Variants in UQCRC1 observed in about 807,000 individuals in gnomAD.
UQCRC1 encodes the protein ubiquinol-cytochrome c reductase core protein 1.
A neutral mutation model predicts 58.0 loss-of-function variants in UQCRC1; 34 were observed. The ratio of observed to expected loss-of-function variants is 0.59; its 90% CI spans 0.45 to 0.78. UQCRC1 has a LOEUF of 0.78. UQCRC1 is among the 30% of genes least tolerant of loss of function. UQCRC1 has a pLI of 0.00. For missense variants in UQCRC1, 610 were observed against 646.0 expected (o/e 0.94, Z 0.60); for synonymous variants, 276 against 248.8 (o/e 1.11, Z -1.03).
At chr3:48,607,691 T>C (rs1274396619) in intron 2 of UQCRC1, among the ~76,000 whole-genome samples, 1 of 152,150 alleles carries the variant, frequency 6.6e-6, no homozygotes, top group East Asian at 1.9e-4. Context: ...CTCAAAGCCC[T>C]GGAATTACTG....
Position 48,605,869 on chromosome 3 carries a change from C to G in UQCRC1, c.211-13G>C, listed in dbSNP as rs759847580. 1.1e-5 allele frequency: 18 copies of G among 1,612,978 alleles called. No homozygotes were observed. In the East Asian group the frequency reaches 4.0e-4, roughly 36 times the overall value. Reference sequence around the variant, plus strand: ...TCCACACTCCCACCTGGTCAAGAAGCCACCAGAAAAGGTTACAAACAAACC... The same window carrying G: ...TCCACACTCCCACCTGGTCAAGAAGGCACCAGAAAAGGTTACAAACAAACC... On this transcript the variant is annotated splice_polypyrimidine_tract_variant and intron_variant, in intron 2 of 12. Coordinates refer to ENST00000203407, the MANE Select transcript of UQCRC1 (RefSeq NM_003365.3).
chr3:48,605,773 G>A lies in UQCRC1; in HGVS notation c.294C>T (p.Phe98=). ...AGACAGACTTTAAGAGCCTCACCTTGAAAGCCAGATGCTCCAAAAAGTAGC... is the reference window on the plus strand; with the variant it reads ...AGACAGACTTTAAGAGCCTCACCTTAAAAGCCAGATGCTCCAAAAAGTAGC... ...GAGYFLEHLA[F]KGTKNRPGSA... Residue 98 remains phenylalanine, a synonymous_variant, in exon 3 of 13, where the codon TTC becomes TTT. Transcript: ENST00000203407. 1 of 1,613,386 alleles carries A rather than the reference G, an allele frequency of 6.2e-7. No homozygotes were observed.
In UQCRC1 at chr3:48,599,407, G is replaced by A. The variant is rs1383207876; in HGVS notation, c.1379-215C>T. ...CCCCACATGGAGGTGCCCGTTACCT[G>A]ACGGGTGCAGGGTATTGATGAAGGC... On this transcript the variant is annotated intron_variant, in intron 12 of 12. Coordinates refer to ENST00000203407, the MANE Select transcript of UQCRC1 (RefSeq NM_003365.3). 1.0e-5 allele frequency: 7 copies of A among 688,950 alleles called. No individual in the cohort carries two copies. The Admixed American group carries it at 1.7e-4, about 17-fold the overall frequency. 42.7% of individuals were successfully genotyped at this position (688,950 alleles called of 1,614,324 possible).
chr3:48,605,487 C>T (rs532324142), intron 3 of UQCRC1, among the ~76,000 whole-genome samples: 1 of 152,320 alleles, frequency 6.6e-6, no homozygotes, highest in African/African-American at 2.4e-5. Flanking sequence ...TGTTAAAATG[C>T]ATGTGCATAT....
In UQCRC1 at chr3:48,600,463, G is replaced by C; in HGVS notation, c.1213+19C>G. 1 of 1,613,824 alleles carries C rather than the reference G, an allele frequency of 6.2e-7. No homozygotes were observed. The highest frequency in any genetic ancestry group is 8.5e-7 in the Non-Finnish European group (1 of 1,179,826). On this transcript the variant is annotated intron_variant, in intron 10 of 12. Transcript: ENST00000203407. ...GGCAAGATGTACTCTACCCCTCCCCGCTGAGCTGTAGGACTCACCATCTAG... is the reference window on the plus strand; with the variant it reads ...GGCAAGATGTACTCTACCCCTCCCCCCTGAGCTGTAGGACTCACCATCTAG...
chr3:48,604,152 C>T (rs1247064702), intron 5 of UQCRC1, 81 bp downstream of exon 5: 15 of 1,488,436 alleles, frequency 1.0e-5, no homozygotes, highest in African/African-American at 1.4e-5. Flanking sequence ...GACAGCTAGC[C>T]AACTAAAAAT....
chr3:48,605,427 C>T (rs182675358), intron 3 of UQCRC1, among the ~76,000 whole-genome samples: 2 of 152,336 alleles, frequency 1.3e-5, no homozygotes, highest in African/African-American at 4.8e-5. Flanking sequence ...AGATATTCCA[C>T]CAGAGAAGAA....
intron 11 of UQCRC1, 82 bp downstream of exon 11, chr3:48,599,981 C>A: frequency 6.5e-7 from 1 of 1,543,948 alleles, no homozygotes; most frequent in Non-Finnish European, 8.9e-7. Flanking sequence ...GAGCAGGCTG[C>A]GCTATGCCAG....
chr3:48,608,338 G>C (rs1446766454), intron 2 of UQCRC1, among the ~76,000 whole-genome samples: 3 of 152,188 alleles, frequency 2.0e-5, no homozygotes, highest in Non-Finnish European at 4.4e-5. Flanking sequence ...GAATGCAAGA[G>C]GCATTTTACA....
chr3:48,603,545 C>T lies in UQCRC1; in HGVS notation c.706+19G>A, dbSNP rs751103384. On this transcript the variant is annotated intron_variant, in intron 6 of 12. Coordinates refer to ENST00000203407, the MANE Select transcript of UQCRC1 (RefSeq NM_003365.3). ...GCTGGGACCCCACTACCCAGGACTT[C>T]AGTGATTCCATCACTCACCTCCAGC... 4.3e-6 allele frequency: 7 copies of T among 1,611,488 alleles called. No homozygotes were observed. In the African/African-American group the frequency reaches 8.0e-5, roughly 18 times the overall value.
intron 2 of UQCRC1, 89 bp downstream of exon 2, chr3:48,609,073 A>T (rs2046438714): frequency 6.6e-7 from 1 of 1,513,636 alleles, no homozygotes; most frequent in Non-Finnish European, 8.9e-7. Flanking sequence ...CACAAACGGG[A>T]AGACTCGAGC....
Position 48,605,724 on chromosome 3 carries a change from A to G in UQCRC1, c.297+46T>C, listed in dbSNP as rs773170915. On this transcript the variant is annotated intron_variant, in intron 3 of 12. Transcript: ENST00000203407. ...TCTGACCTTCATCCTCAGGAGGGAC[A>G]ACAGGCAGCCCTAAGCCCAGAGGAG... The G allele has an allele frequency of 7.6e-6, 12 of 1,581,394 alleles. No individual in the cohort carries two copies. In the East Asian group the frequency reaches 2.5e-4, roughly 33 times the overall value.
At position 48,609,617 on chromosome 3, in the gene UQCRC1, C is replaced by T. The variant is rs1447929902; in HGVS notation, c.4G>A (p.Ala2Thr). The change falls in exon 1 of 13, where the codon GCG becomes ACG. Residue 2 changes from alanine to threonine, a missense_variant. Transcript: ENST00000203407. M[A>T]ASVVCRAATA... ...GCGGCCCGACAGACCACGGACGCCGCCATCTTCCAGCTGCAGTCGGCCCTG... is the reference window on the plus strand; with the variant it reads ...GCGGCCCGACAGACCACGGACGCCGTCATCTTCCAGCTGCAGTCGGCCCTG... 13 of 1,567,606 alleles carry T rather than the reference C, an allele frequency of 8.3e-6. No homozygotes were observed. Among genetic ancestry groups the T allele is most frequent in the South Asian group, 3.5e-5 (3 of 86,470 alleles).
At chr3:48,601,685 G>T (rs2046367738) in intron 6 of UQCRC1, among the ~76,000 whole-genome samples, 1 of 152,218 alleles carries the variant, frequency 6.6e-6, no homozygotes, top group Admixed American at 6.5e-5. Context: ...CATGGCCTCA[G>T]TCCCAGGAGA....
In UQCRC1 at chr3:48,604,270, G is replaced by C. The variant is rs752170068; in HGVS notation, c.589C>G (p.Leu197Val). 1 of 1,613,170 alleles carries C rather than the reference G, an allele frequency of 6.2e-7. No homozygotes were observed. The highest frequency in any genetic ancestry group is 2.2e-5 in the East Asian group (1 of 44,896). The change falls in exon 5 of 13, where the codon CTA becomes GTA. Residue 197 changes from leucine (L) to valine (V), a missense_variant. By Grantham distance (32) the Leu-to-Val change is conservative. Transcript: ENST00000203407. ...LHATAFQGTPLAQAVEGPSEN... is the reference protein window; with the variant it reads ...LHATAFQGTPVAQAVEGPSEN... The stretch of plus-strand genomic sequence containing the variant: ...CTGGGCCCCTCCACAGCCTGGGCTA[G>C]AGGTGTGCCCTGGAATGCTGTGGCA...
intron 2 of UQCRC1, among the ~76,000 whole-genome samples, chr3:48,606,248 C>T (rs2046410339): frequency 6.6e-6 from 1 of 152,202 alleles, no homozygotes; most frequent in Non-Finnish European, 1.5e-5. Context: ...AAAAATTACA[C>T]GCTGCCTTTG....
intron 7 of UQCRC1, 21 bp downstream of exon 7, chr3:48,601,331 C>T: frequency 6.2e-7 from 1 of 1,613,060 alleles, no homozygotes; most frequent in Non-Finnish European, 8.5e-7. Context: ...GAGCACTACT[C>T]CTGCCCAAAA....
intron 6 of UQCRC1, 37 bp from the exon 7 acceptor site, chr3:48,601,504 G>A (rs1402122370): frequency 1.3e-6 from 2 of 1,599,892 alleles, no homozygotes; most frequent in Admixed American, 1.7e-5. Flanking sequence ...GACCAGCCAG[G>A]GCCCAAGGCA....
At chr3:48,604,501 A>T in intron 4 of UQCRC1, 70 bp from the exon 5 acceptor site, 2 of 1,591,392 alleles carry the variant, frequency 1.3e-6, no homozygotes, top group Non-Finnish European at 1.7e-6. Context: ...CAAAATCCCC[A>T]GGCCTGGCAT....
Sources: gnomAD v4.1 joint callset for allele counts (sites outside exome capture counted in the v4.1 genomes callset) on GRCh38, gnomAD v4.1.1 for gene constraint, MANE v1.5 for transcripts, NCBI Gene and HGNC (gene_info 2026-07-23, HGNC 2026-07-21) for gene names.